Variants in MED29 observed in about 807,000 individuals in gnomAD.
The protein encoded by MED29 is mediator of RNA polymerase II transcription subunit 29.
A neutral mutation model predicts 22.0 loss-of-function variants in MED29; 14 were observed. That is an observed-to-expected ratio of 0.64 (90% CI 0.42 to 0.99). The LOEUF (loss-of-function observed/expected upper bound fraction) is 0.99, where lower values mean the gene tolerates loss of function less well. Among genes scored for constraint, MED29 ranks in the 50% least tolerant of loss-of-function variants. The pLI is 0.00. For missense variants in MED29, 241 were observed against 253.7 expected (o/e 0.95, Z 0.34); for synonymous variants, 123 against 107.8 (o/e 1.14, Z -0.87).
rs1389648020 is a variant in MED29, at chr19:39,398,458, G to T, written c.*759G>T. ...TGCGTCAGCGGAACTTGAGTGAGGG[G>T]CGTTGTGCAATTTGTGGCAAGGCTG... On this transcript the variant is annotated 3_prime_UTR_variant, in exon 4 of 4. Transcript: ENST00000315588. The T allele has an allele frequency of 6.5e-6, 1 of 152,760 alleles. No individual in the cohort carries two copies. The highest frequency in any genetic ancestry group is 2.4e-5 in the African/African-American group (1 of 41,458). The allele number at this position is 152,760 out of a possible 1,614,324, so 9.5% of individuals were successfully genotyped here.
chr19:39,393,072 C>CTTTTTT (rs2078405142), intron 2 of MED29, among the ~76,000 whole-genome samples: 7 of 86,128 alleles, frequency 8.1e-5, no homozygotes, highest in East Asian at 3.4e-4. Flanking sequence ...TTCTTTCTTT[C>CTTTTTT]TTTCTTTTCT....
At chr19:39,394,068 A>AGAG (rs1402273551) in intron 3 of MED29, among the ~76,000 whole-genome samples, 1 of 152,204 alleles carries the variant, frequency 6.6e-6, no homozygotes, top group Non-Finnish European at 1.5e-5. Flanking sequence ...GCAGGAGTTG[A>AGAG]GAGGAGGGTA....
chr19:39,397,888 CT>C lies in MED29; in HGVS notation c.*190del. ...GCCCCTGCGTCCCTGCCCCTTCTTC[CT>C]GCTCCCCCTCCTAGCCTAGGGTAGA... On this transcript the variant is annotated 3_prime_UTR_variant, in exon 4 of 4. Coordinates refer to ENST00000315588, the MANE Select transcript of MED29 (RefSeq NM_017592.4). 1 of 899,394 alleles carries C rather than the reference CT, an allele frequency of 1.1e-6. No homozygotes were observed. Among genetic ancestry groups the C allele is most frequent in the African/African-American group, 1.7e-5 (1 of 59,712 alleles). The allele number at this position is 899,394 out of a possible 1,614,324, so 55.7% of individuals were successfully genotyped here.
At position 39,393,538 on chromosome 19, in the gene MED29, T is replaced by C; in HGVS notation, c.276-15T>C. 6.2e-7 allele frequency: 1 copy of C among 1,612,238 alleles called. No individual in the cohort carries two copies. Among genetic ancestry groups the C allele is most frequent in the Non-Finnish European group, 8.5e-7 (1 of 1,178,220 alleles). ...GAAATCAATTCTTCAGACATCCTTT[T>C]TTCCTTGTCTGTAGAAAGAGCAGTG... On this transcript the variant is annotated splice_polypyrimidine_tract_variant and intron_variant, in intron 2 of 3. Transcript: ENST00000315588.
intron 3 of MED29, among the ~76,000 whole-genome samples, chr19:39,394,587 CAG>C (rs1384189693): frequency 5.2e-5 from 5 of 95,458 alleles, no homozygotes; most frequent in Non-Finnish European, 7.6e-5. Context: ...TTTTTTGAGA[CAG>C]AGTCTCACTC....
chr19:39,394,786 T>A (rs1476530408), intron 3 of MED29, among the ~76,000 whole-genome samples: 1 of 151,478 alleles, frequency 6.6e-6, no homozygotes, highest in Non-Finnish European at 1.5e-5. Context: ...ATGGTCTTGA[T>A]CTCTTGACCT....
rs1193125012 is a variant in MED29, at chr19:39,400,302, C to T, written c.*2603C>T. The T allele has an allele frequency of 6.6e-6, 1 of 152,148 alleles. No homozygotes were observed. Among genetic ancestry groups the T allele is most frequent in the Non-Finnish European group, 1.5e-5 (1 of 68,038 alleles). The allele number at this position is 152,148 out of a possible 1,614,324, so 9.4% of individuals were successfully genotyped here. On this transcript the variant is annotated 3_prime_UTR_variant, in exon 4 of 4. Coordinates refer to ENST00000315588, the MANE Select transcript of MED29 (RefSeq NM_017592.4). Reference sequence around the variant, plus strand: ...CTGAGAGGTGGGAGGATGCCTTGAGCTTGAGAGGTTGAAGCTGCAGTGAGC... The same window carrying T: ...CTGAGAGGTGGGAGGATGCCTTGAGTTTGAGAGGTTGAAGCTGCAGTGAGC...
chr19:39,397,675 T>C lies in MED29; in HGVS notation c.579T>C (p.Pro193=). The C allele has an allele frequency of 6.2e-7, 1 of 1,610,952 alleles. No homozygotes were observed. Residue 193 remains proline, a synonymous_variant, in exon 4 of 4, where the codon CCT becomes CCC. Coordinates refer to ENST00000315588, the MANE Select transcript of MED29 (RefSeq NM_017592.4). ...NKVTGKTPAP[P]AGPGGTL ...TCACGGGCAAGACACCCGCACCACC[T>C]GCTGGCCCTGGGGGCACTCTGTGAA...
chr19:39,391,715 A>G (rs2078381998), intron 1 of MED29, 77 bp downstream of exon 1: 7 of 1,474,578 alleles, frequency 4.7e-6, no homozygotes, highest in Non-Finnish European at 6.3e-6. Context: ...GGTTAGTCGG[A>G]GAGAGCGCTA....
intron 3 of MED29, among the ~76,000 whole-genome samples, chr19:39,396,763 G>T (rs2078430760): frequency 6.6e-6 from 1 of 151,064 alleles, no homozygotes; most frequent in South Asian, 2.1e-4. Context: ...GGTGGCTCAT[G>T]CCTGTAATTC....
chr19:39,394,088 G>T (rs1444032168), intron 3 of MED29, among the ~76,000 whole-genome samples: 1 of 152,210 alleles, frequency 6.6e-6, no homozygotes, highest in Non-Finnish European at 1.5e-5. Context: ...AAGTGACTAA[G>T]AATACAGCCT....
intron 3 of MED29, among the ~76,000 whole-genome samples, chr19:39,395,984 G>A (rs1322516332): frequency 6.6e-6 from 1 of 152,168 alleles, no homozygotes; most frequent in Admixed American, 6.5e-5. Flanking sequence ...GAGTACAAGG[G>A]CCCTACAAAT....
At chr19:39,396,650 C>G (rs1315019803) in intron 3 of MED29, among the ~76,000 whole-genome samples, 4 of 151,584 alleles carry the variant, frequency 2.6e-5, no homozygotes, top group Admixed American at 1.3e-4. Flanking sequence ...CACTTGAACC[C>G]AGGAGGCAGA....
intron 2 of MED29, chr19:39,392,730 A>C (rs1460212008): frequency 1.9e-6 from 1 of 531,896 alleles, no homozygotes; most frequent in Non-Finnish European, 3.3e-6. Flanking sequence ...GAGTTAGGAG[A>C]TCCTCTTGCC....
rs61730571 is a variant in MED29, at chr19:39,391,507, C to A, written c.85C>A (p.Gln29Lys). 1.2e-6 allele frequency: 2 copies of A among 1,612,512 alleles called. No homozygotes were observed. The highest frequency in any genetic ancestry group is 1.3e-5 in the African/African-American group (1 of 74,938). Residue 29 changes from glutamine to lysine, a missense_variant, in exon 1 of 4, where the codon CAG becomes AAG. By Grantham distance (53) the Gln-to-Lys change is moderately conservative. Transcript: ENST00000315588. ...TAGTTCGGCTGGCGGCCCGGGTCCC[C>A]AGCAGCAGCCGCAACCGCCAGCACA... ...GPSSAGGPGP[Q>K]QQPQPPAQLV...
chr19:39,393,076 C>T lies in MED29; in HGVS notation c.276-477C>T, dbSNP rs201240030. Among the ~76,000 whole-genome samples the T allele has an allele frequency of 4.8e-3, 263 of 55,108 alleles. 1 individual carries two copies. The highest frequency in any genetic ancestry group is 0.01 in the African/African-American group (137 of 13,092). 36.2% of individuals were successfully genotyped at this position (55,108 alleles called of 152,430 possible). On this transcript the variant is annotated intron_variant, in intron 2 of 3. Transcript: ENST00000315588. ...TTTCCTTTTCTTTCTTTCTTTCTTT[C>T]TTTTCTTTTTTTTTTTTTTTTTTTT... is the stretch of plus-strand genomic sequence containing the variant.
intron 3 of MED29, among the ~76,000 whole-genome samples, chr19:39,394,633 A>G (rs773113429): frequency 4.6e-5 from 6 of 130,532 alleles, no homozygotes; most frequent in African/African-American, 9.0e-5. Context: ...GCGCGACTTC[A>G]GCTCACTGCA....
At position 39,397,734 on chromosome 19, in the gene MED29, G is replaced by A. The variant is rs1369796750; in HGVS notation, c.*35G>A. The A allele has an allele frequency of 1.3e-6, 2 of 1,593,786 alleles. No homozygotes were observed. The highest frequency in any genetic ancestry group is 2.2e-5 in the East Asian group (1 of 44,636). On this transcript the variant is annotated 3_prime_UTR_variant, in exon 4 of 4. Transcript: ENST00000315588. ...CAGGGAGTGGGGCAGGCAGTGGTTG[G>A]TGGGTGGTGTGCAAAGGGAATGAAG...
Position 39,400,326 on chromosome 19 carries a change from G to A in MED29, c.*2627G>A, listed in dbSNP as rs1278773682. On this transcript the variant is annotated 3_prime_UTR_variant, in exon 4 of 4. Coordinates refer to ENST00000315588, the MANE Select transcript of MED29 (RefSeq NM_017592.4). ...GCTTGAGAGGTTGAAGCTGCAGTGAGCTGTGATCGCACCACTGCACTCCAG... is the reference window on the plus strand; with the variant it reads ...GCTTGAGAGGTTGAAGCTGCAGTGAACTGTGATCGCACCACTGCACTCCAG... 6.6e-6 allele frequency: 1 copy of A among 152,212 alleles called. No individual in the cohort carries two copies. The highest frequency in any genetic ancestry group is 1.5e-5 in the Non-Finnish European group (1 of 68,044). 9.4% of individuals were successfully genotyped at this position (152,212 alleles called of 1,614,324 possible).
Sources: gnomAD v4.1 joint callset for allele counts (sites outside exome capture counted in the v4.1 genomes callset) on GRCh38, gnomAD v4.1.1 for gene constraint, MANE v1.5 for transcripts, NCBI Gene and HGNC (gene_info 2026-07-23, HGNC 2026-07-21) for gene names.